PRTFDC1: variants seen among roughly 807,000 people sequenced by gnomAD.
PRTFDC1 encodes the protein phosphoribosyl transferase domain containing 1.
Under a neutral mutation model 34.6 loss-of-function variants are expected in PRTFDC1, and 38 were observed. The observed-to-expected ratio is 1.10, with a 90% confidence interval of 0.85 to 1.44. The LOEUF is 1.44. Among genes scored for constraint, PRTFDC1 ranks in the 40% most tolerant of loss-of-function variants. The pLI, the probability that PRTFDC1 is intolerant of heterozygous loss-of-function variation, is 0.00. For missense variants in PRTFDC1, 270 were observed against 283.0 expected (o/e 0.95, Z 0.33); for synonymous variants, 93 against 98.1 (o/e 0.95, Z 0.31).
intron 3 of PRTFDC1, among the ~76,000 whole-genome samples, chr10:24,925,225 A>C (rs1213277558): frequency 2.0e-5 from 3 of 152,212 alleles, no homozygotes; most frequent in Admixed American, 6.5e-5. Context: ...AAGGACAGAA[A>C]ACCAAACACT....
intron 3 of PRTFDC1, among the ~76,000 whole-genome samples, chr10:24,898,491 A>G (rs906110481): frequency 1.4e-5 from 2 of 145,894 alleles, no homozygotes; most frequent in African/African-American, 5.0e-5. Flanking sequence ...AGGAATGAAG[A>G]GTTGGACCAG....
At chr10:24,893,433 C>G (rs61854283) in intron 3 of PRTFDC1, among the ~76,000 whole-genome samples, 1 of 151,998 alleles carries the variant, frequency 6.6e-6, no homozygotes, top group African/African-American at 2.4e-5. Flanking sequence ...GGACTACAGG[C>G]GAGTGCCACC....
At chr10:24,924,434 A>G (rs1460484156) in intron 3 of PRTFDC1, among the ~76,000 whole-genome samples, 2 of 152,202 alleles carry the variant, frequency 1.3e-5, no homozygotes, top group African/African-American at 2.4e-5. Flanking sequence ...AGGGAAGCCC[A>G]TCAGACTAAC....
rs1324804039 is a variant in PRTFDC1, at chr10:24,951,655, TG to T, written c.48+872del. The T allele has an allele frequency of 4.3e-5, 42 of 967,010 alleles. No individual in the cohort carries two copies. The African/African-American group carries it at 7.2e-4, about 17-fold the overall frequency. The allele number at this position is 967,010 out of a possible 1,614,324, so 59.9% of individuals were successfully genotyped here. On this transcript the variant is annotated intron_variant, in intron 1 of 8. Coordinates refer to ENST00000320152, the MANE Select transcript of PRTFDC1 (RefSeq NM_020200.7). ...CCCCACCCACCATCCTCACCACCAT[TG>T]AGTTTCACACTGAACCTGACACAAG... is the stretch of plus-strand genomic sequence containing the variant.
At chr10:24,923,318 A>C (rs772884873) in intron 3 of PRTFDC1, among the ~76,000 whole-genome samples, 3 of 152,196 alleles carry the variant, frequency 2.0e-5, no homozygotes, top group Non-Finnish European at 4.4e-5. Context: ...ACAGCATTCG[A>C]GCTCTGAGAA....
chr10:24,923,511 C>T (rs1336844314), intron 3 of PRTFDC1, among the ~76,000 whole-genome samples: 1 of 152,174 alleles, frequency 6.6e-6, no homozygotes, highest in Non-Finnish European at 1.5e-5. Context: ...CCCAGGTAAA[C>T]GGGGTCTGGA....
intron 1 of PRTFDC1, among the ~76,000 whole-genome samples, chr10:24,945,569 C>T (rs948607860): frequency 6.6e-6 from 1 of 152,244 alleles, no homozygotes; most frequent in African/African-American, 2.4e-5. Flanking sequence ...ATCCTCCCAC[C>T]TCAGCCTCCC....
chr10:24,866,506 A>T (rs1012690227), intron 4 of PRTFDC1, among the ~76,000 whole-genome samples: 4 of 151,996 alleles, frequency 2.6e-5, no homozygotes, highest in Non-Finnish European at 5.9e-5. Flanking sequence ...GTTTTATTCC[A>T]CCCTTTCAGA....
intron 3 of PRTFDC1, among the ~76,000 whole-genome samples, chr10:24,901,311 C>T (rs1012386487): frequency 6.6e-6 from 1 of 152,034 alleles, no homozygotes; most frequent in African/African-American, 2.4e-5. Flanking sequence ...GGCAGAATGT[C>T]AGCAATTAAG....
intron 1 of PRTFDC1, among the ~76,000 whole-genome samples, chr10:24,945,454 CA>C (rs1405850903): frequency 6.6e-6 from 1 of 152,042 alleles, no homozygotes; most frequent in Non-Finnish European, 1.5e-5. Context: ...TGGTGTATAT[CA>C]TCTATGTTAT....
intron 2 of PRTFDC1, among the ~76,000 whole-genome samples, chr10:24,939,274 C>T (rs1433389235): frequency 7.8e-6 from 1 of 128,494 alleles, no homozygotes; most frequent in Non-Finnish European, 1.6e-5. Flanking sequence ...GCACTCCAGT[C>T]TGGGTGATAA....
chr10:24,884,773 G>A (rs1848136614), intron 3 of PRTFDC1, among the ~76,000 whole-genome samples: 1 of 152,146 alleles, frequency 6.6e-6, no homozygotes, highest in Admixed American at 6.5e-5. Flanking sequence ...AAGAGAAAGG[G>A]ATATTGGCCA....
intron 4 of PRTFDC1, among the ~76,000 whole-genome samples, chr10:24,866,843 G>A (rs1422644867): frequency 6.7e-6 from 1 of 148,254 alleles, no homozygotes; most frequent in Non-Finnish European, 1.5e-5. Context: ...AGAGAGAAAG[G>A]AATTTTAAAA....
intron 4 of PRTFDC1, among the ~76,000 whole-genome samples, chr10:24,859,330 G>A (rs929412253): frequency 6.6e-6 from 1 of 152,102 alleles, no homozygotes; most frequent in Non-Finnish European, 1.5e-5. Flanking sequence ...TGCTATCTCC[G>A]TTCACTGTAA....
At chr10:24,946,014 G>A (rs1015898170) in intron 1 of PRTFDC1, among the ~76,000 whole-genome samples, 1 of 152,122 alleles carries the variant, frequency 6.6e-6, no homozygotes, top group Admixed American at 6.6e-5. Flanking sequence ...AGGCCCCAGG[G>A]GGATCATCCA....
intron 3 of PRTFDC1, among the ~76,000 whole-genome samples, chr10:24,906,907 C>A (rs2132561694): frequency 6.6e-6 from 1 of 152,268 alleles, no homozygotes; most frequent in African/African-American, 2.4e-5. Context: ...CTGTTATTGG[C>A]TTTACTGTTA....
At chr10:24,923,426 G>A (rs1484069463) in intron 3 of PRTFDC1, among the ~76,000 whole-genome samples, 1 of 152,162 alleles carries the variant, frequency 6.6e-6, no homozygotes, top group Admixed American at 6.5e-5. Flanking sequence ...ACAGGTGGGT[G>A]CCCTTCTGGA....
chr10:24,915,371 T>A (rs1038082059), intron 3 of PRTFDC1, among the ~76,000 whole-genome samples: 2 of 152,236 alleles, frequency 1.3e-5, no homozygotes, highest in African/African-American at 4.8e-5. Context: ...CCAAAAGGCA[T>A]AACTGCTTGA....
At chr10:24,951,689 C>A in intron 1 of PRTFDC1, 2 of 859,398 alleles carry the variant, frequency 2.3e-6, no homozygotes, top group Non-Finnish European at 2.8e-6. Flanking sequence ...AAGTTATAAC[C>A]ACCACCTTCT....
Sources: gnomAD v4.1 joint callset for allele counts (sites outside exome capture counted in the v4.1 genomes callset) on GRCh38, gnomAD v4.1.1 for gene constraint, MANE v1.5 for transcripts, NCBI Gene and HGNC (gene_info 2026-07-23, HGNC 2026-07-21) for gene names.